Variants in WDR25 observed in about 807,000 individuals in gnomAD.
The protein encoded by WDR25 is WD repeat domain 25.
Under a neutral mutation model 47.7 loss-of-function variants are expected in WDR25, and 35 were observed. That is an observed-to-expected ratio of 0.73 (90% confidence interval 0.56 to 0.97). The LOEUF is 0.97. Among genes scored for constraint, WDR25 ranks in the 50% least tolerant of loss-of-function variants. The probability of loss-of-function intolerance (pLI) is 0.00; values close to 1 mark genes in which losing one functional copy is unlikely to be tolerated. For missense variants in WDR25, 634 were observed against 704.7 expected (o/e 0.90, Z 1.14); for synonymous variants, 248 against 278.9 (o/e 0.89, Z 1.10).
rs141687123 is a variant in WDR25 at position 100,393,429 on chromosome 14, C to T, written c.822+11683C>T. Among the ~76,000 whole-genome samples, 672 of 152,284 alleles carry T rather than the reference C, an allele frequency of 4.4e-3. 6 individuals carry two copies. Among genetic ancestry groups the T allele is most frequent in the African/African-American group, 0.015 (642 of 41,534 alleles). On this transcript the variant is annotated intron_variant, in intron 2 of 6. Coordinates refer to ENST00000402312, the MANE Select transcript of WDR25 (RefSeq NM_001161476.3). ...TTCTTTTCTCTCATTCAAGTGTGTTCTGATATGGTTCTGATACGGTTCCGG... is the reference window on the plus strand; with the variant it reads ...TTCTTTTCTCTCATTCAAGTGTGTTTTGATATGGTTCTGATACGGTTCCGG...
At chr14:100,490,623 A>G (rs530783937) in intron 4 of WDR25, among the ~76,000 whole-genome samples, 17 of 152,346 alleles carry the variant, frequency 1.1e-4, no homozygotes, top group Non-Finnish European at 1.9e-4. Context: ...AAAACTCTGC[A>G]GGTGATTCTA....
At chr14:100,493,252 A>G (rs945573151) in intron 4 of WDR25, among the ~76,000 whole-genome samples, 1 of 152,184 alleles carries the variant, frequency 6.6e-6, no homozygotes, top group South Asian at 2.1e-4. Context: ...TCCTCACCCC[A>G]AAAAGAAACC....
chr14:100,513,139 T>C (rs1441327947), intron 4 of WDR25, among the ~76,000 whole-genome samples: 3 of 152,202 alleles, frequency 2.0e-5, no homozygotes, highest in Non-Finnish European at 4.4e-5. Context: ...CCTTTCTGTT[T>C]TTTCTGTCTA....
chr14:100,393,574 C>CAGA (rs1460160759), intron 2 of WDR25, among the ~76,000 whole-genome samples: 4 of 152,058 alleles, frequency 2.6e-5, no homozygotes, highest in Admixed American at 2.6e-4. Flanking sequence ...GCTCCCAGGG[C>CAGA]AGAAGTAGGA....
chr14:100,378,973 AAAAAAAAAAAAAAAAAAAAAAAG>A, intron 1 of WDR25, among the ~76,000 whole-genome samples: 1 of 21,188 alleles, frequency 4.7e-5, no homozygotes, highest in East Asian at 7.9e-4. Flanking sequence ...AAAAAAAAAA[AAAAAAAAAAAAAAAAAAAAAAAG>A]AATGTTCCAG....
At chr14:100,485,337 A>G (rs148416527) in intron 4 of WDR25, among the ~76,000 whole-genome samples, 39 of 152,036 alleles carry the variant, frequency 2.6e-4, no homozygotes, top group African/African-American at 9.2e-4. Context: ...GTGTTCATTC[A>G]TCTGCCTGTT....
At chr14:100,423,975 G>A (rs1459950197) in intron 2 of WDR25, among the ~76,000 whole-genome samples, 2 of 152,238 alleles carry the variant, frequency 1.3e-5, no homozygotes, top group Non-Finnish European at 2.9e-5. Context: ...GTCTCAGGTG[G>A]CACAGCTGCC....
intron 2 of WDR25, among the ~76,000 whole-genome samples, chr14:100,390,790 A>G (rs1897127109): frequency 6.6e-6 from 1 of 152,156 alleles, no homozygotes; most frequent in African/African-American, 2.4e-5. Context: ...TCTGACACAC[A>G]CCATCATTTA....
At chr14:100,483,890 G>A in intron 3 of WDR25, 104 bp from the exon 4 acceptor site, 1 of 1,381,084 alleles carries the variant, frequency 7.2e-7, no homozygotes, top group Non-Finnish European at 9.7e-7. Context: ...GCCCAGGGGA[G>A]CTGTGTTTGC....
intron 2 of WDR25, among the ~76,000 whole-genome samples, chr14:100,442,596 C>T (rs1318469705): frequency 6.6e-6 from 1 of 152,164 alleles, no homozygotes; most frequent in Non-Finnish European, 1.5e-5. Flanking sequence ...GAACCATTCC[C>T]ATCAGTTTAA....
chr14:100,445,652 G>C (rs1898808866), intron 2 of WDR25, among the ~76,000 whole-genome samples: 1 of 152,120 alleles, frequency 6.6e-6, no homozygotes, highest in Non-Finnish European at 1.5e-5. Flanking sequence ...TGGCTTCTAG[G>C]CTTCCTGTCT....
rs74417140 is a variant in WDR25 at position 100,458,331 on chromosome 14, T to A, written c.823-9690T>A. Among the ~76,000 whole-genome samples, 687 of 152,254 alleles carry A rather than the reference T, an allele frequency of 4.5e-3. 4 individuals carry two copies. The highest frequency in any genetic ancestry group is 0.016 in the African/African-American group (669 of 41,558). On this transcript the variant is annotated intron_variant, in intron 2 of 6. Coordinates refer to ENST00000402312, the MANE Select transcript of WDR25 (RefSeq NM_001161476.3). ...GTCAGTTCATCAAAGGACATAACAT[T>A]AGGTGTGTAATGTCAGCTGCTTAAA...
At chr14:100,473,788 G>A (rs1255085264) in intron 3 of WDR25, among the ~76,000 whole-genome samples, 4 of 152,204 alleles carry the variant, frequency 2.6e-5, no homozygotes, top group African/African-American at 7.2e-5. Context: ...GGCTCCTGCC[G>A]GTCCTTGGAA....
At chr14:100,395,065 G>T (rs982224138) in intron 2 of WDR25, among the ~76,000 whole-genome samples, 2 of 152,162 alleles carry the variant, frequency 1.3e-5, no homozygotes, top group East Asian at 3.9e-4. Flanking sequence ...CAGTGAGGAC[G>T]GCCAGGTGAA....
At chr14:100,519,240 G>T (rs7492565) in intron 4 of WDR25, among the ~76,000 whole-genome samples, 84,521 of 151,068 alleles carry the variant, frequency 0.56, 27,232 homozygotes, top group African/African-American at 0.89. Flanking sequence ...GAGTTTTTTT[G>T]TGTGTGTGTG....
Position 100,529,442 on chromosome 14 carries a change from C to A in WDR25, c.1413+234C>A. 1.5e-6 allele frequency: 1 copy of A among 647,418 alleles called. No homozygotes were observed. The allele number at this position is 647,418 out of a possible 1,614,324, so 40.1% of individuals were successfully genotyped here. Reference sequence around the variant, plus strand: ...GGAAGCAGTAGTTGGCTCACACAGACAGGTCTCAGAAGTGGGGGGCAGGAA... The same window carrying A: ...GGAAGCAGTAGTTGGCTCACACAGAAAGGTCTCAGAAGTGGGGGGCAGGAA... On this transcript the variant is annotated intron_variant, in intron 6 of 6. Transcript: ENST00000402312. This position sits in a 1 kb window ranked among gnomAD's most constrained non-coding sequence, Gnocchi z 5.1.
chr14:100,421,556 A>G (rs1002316811), intron 2 of WDR25, among the ~76,000 whole-genome samples: 3 of 152,098 alleles, frequency 2.0e-5, no homozygotes, highest in Non-Finnish European at 2.9e-5. Flanking sequence ...AATAAAATAA[A>G]CTTCCATAGA....
chr14:100,392,629 T>C lies in WDR25; in HGVS notation c.822+10883T>C, dbSNP rs544380534. Among the ~76,000 whole-genome samples the C allele has an allele frequency of 2.9e-3, 441 of 152,222 alleles. 1 individual carries two copies. The highest frequency in any genetic ancestry group is 4.5e-3 in the Non-Finnish European group (303 of 68,016). On this transcript the variant is annotated intron_variant, in intron 2 of 6. Coordinates refer to ENST00000402312, the MANE Select transcript of WDR25 (RefSeq NM_001161476.3). This position sits in a 1 kb window ranked among gnomAD's most constrained non-coding sequence, Gnocchi z 4.2. ...GTGCGTGCAGCTCTGCAGCCTGTCT[T>C]TCCATTTAACATTCTCTCCCAGCCC...
chr14:100,401,238 C>A (rs1200393447), intron 2 of WDR25, among the ~76,000 whole-genome samples: 1 of 152,202 alleles, frequency 6.6e-6, no homozygotes, highest in Non-Finnish European at 1.5e-5. Context: ...CTCTGCCCCA[C>A]CGAGCCAGAG....
Sources: gnomAD v4.1 joint callset for allele counts (sites outside exome capture counted in the v4.1 genomes callset) on GRCh38, gnomAD v4.1.1 for gene constraint, Gnocchi (gnomAD v3.1) non-coding constraint, MANE v1.5 for transcripts, NCBI Gene and HGNC (gene_info 2026-07-23, HGNC 2026-07-21) for gene names.